PABPC1: variants seen among roughly 807,000 people sequenced by gnomAD.
PABPC1 encodes the protein poly(A) binding protein cytoplasmic 1.
In PABPC1, 4 loss-of-function variants were observed where a neutral mutation model predicts 74.0. That is an observed-to-expected ratio of 0.05 (90% confidence interval 0.03 to 0.12). The LOEUF (loss-of-function observed/expected upper bound fraction) is 0.12. Ranked by LOEUF, PABPC1 falls within the 10% of genes least tolerant of loss-of-function variation. The pLI is 1.00. For synonymous variants in PABPC1, 227 were observed against 264.1 expected (o/e 0.86, Z 1.36); for missense variants, 271 against 821.1 (o/e 0.33, Z 8.19).
At chr8:100,704,129 C>G in intron 14 of PABPC1, 168 bp downstream of exon 14, 1 of 520,664 alleles carries the variant, frequency 1.9e-6, no homozygotes, top group South Asian at 2.5e-5. Flanking sequence ...GGGTAAAATT[C>G]CTTTAATTCC....
intron 1 of PABPC1, 64 bp from the exon 2 acceptor site, chr8:100,718,344 T>C (rs1387353218): frequency 1.5e-6 from 2 of 1,339,762 alleles, no homozygotes; most frequent in Non-Finnish European, 2.1e-6. Context: ...CTTAAGATTA[T>C]ATAAACTATG....
intron 1 of PABPC1, among the ~76,000 whole-genome samples, chr8:100,720,976 C>G (rs1166179183): frequency 6.6e-6 from 1 of 152,192 alleles, no homozygotes. Flanking sequence ...ACTTCCTCCC[C>G]AGGCTGGGGC....
intron 7 of PABPC1, among the ~76,000 whole-genome samples, chr8:100,710,300 C>T (rs564615364): frequency 1.3e-5 from 2 of 152,242 alleles, no homozygotes; most frequent in Admixed American, 6.5e-5. Flanking sequence ...TTTAAATGAG[C>T]AATGAAGACT....
chr8:100,715,764 C>T (rs115002561), intron 3 of PABPC1, among the ~76,000 whole-genome samples, 163 bp from the exon 4 acceptor site: 294 of 151,816 alleles, frequency 1.9e-3, no homozygotes, highest in African/African-American at 6.7e-3. Context: ...GATATGACAC[C>T]ATGAAATATA....
At position 100,703,189 on chromosome 8, in the gene PABPC1, T is replaced by C. The variant is rs1810288520; in HGVS notation, c.*172A>G. 1 of 167,028 alleles carries C rather than the reference T, an allele frequency of 6.0e-6. No homozygotes were observed. The highest frequency in any genetic ancestry group is 2.1e-4 in the South Asian group (1 of 4,838). 10.3% of individuals were successfully genotyped at this position (167,028 alleles called of 1,614,324 possible). ...TCAATAAGTAATCTAGGACTAGCATTATGTTTGCTAGACCTGGCATTTGCT... is the reference window on the plus strand; with the variant it reads ...TCAATAAGTAATCTAGGACTAGCATCATGTTTGCTAGACCTGGCATTTGCT... On this transcript the variant is annotated 3_prime_UTR_variant, in exon 15 of 15. Transcript: ENST00000318607.
intron 1 of PABPC1, among the ~76,000 whole-genome samples, chr8:100,719,970 C>T (rs975728612): frequency 2.0e-5 from 3 of 152,230 alleles, no homozygotes; most frequent in African/African-American, 7.2e-5. Context: ...CAACTTCTGG[C>T]TCTGTGTCAC....
intron 4 of PABPC1, among the ~76,000 whole-genome samples, chr8:100,714,848 A>C (rs1216754288): frequency 6.6e-6 from 1 of 152,224 alleles, no homozygotes; most frequent in African/African-American, 2.4e-5. Context: ...ATGAACACTT[A>C]AAAGTTATTT....
At chr8:100,703,575 A>G (rs1454078170) in intron 14 of PABPC1, among the ~76,000 whole-genome samples, 3 of 152,126 alleles carry the variant, frequency 2.0e-5, no homozygotes, top group Non-Finnish European at 4.4e-5. Context: ...AAAGCCCAAA[A>G]TATTTCCTAT....
At chr8:100,711,393 G>A (rs1403838861) in intron 7 of PABPC1, among the ~76,000 whole-genome samples, 2 of 152,190 alleles carry the variant, frequency 1.3e-5, no homozygotes, top group Non-Finnish European at 2.9e-5. Context: ...CTTGGCTTAA[G>A]CCCAGGAAAG....
intron 9 of PABPC1, 62 bp from the exon 10 acceptor site, chr8:100,707,059 T>C: frequency 8.2e-7 from 1 of 1,221,000 alleles, no homozygotes; most frequent in Non-Finnish European, 1.2e-6. Context: ...AAAGTGTTTA[T>C]GCTGTCTTCT....
In PABPC1 at chr8:100,721,816, C is replaced by T. The variant is rs902472536; in HGVS notation, c.-233G>A. ...GGGTGGCGGTGTCGGGTCCGGGCAG[C>T]GGGAAGGCCTCGGTCTCTTGGTTCC... is the stretch of plus-strand genomic sequence containing the variant. On this transcript the variant is annotated 5_prime_UTR_variant, in exon 1 of 15. Transcript: ENST00000318607. The surrounding 1 kb of genome is among the most constrained non-coding windows in gnomAD (Gnocchi z 7.4). 5.0e-6 allele frequency: 2 copies of T among 397,350 alleles called. No individual in the cohort carries two copies. The highest frequency in any genetic ancestry group is 7.7e-5 in the East Asian group (2 of 25,924). The allele number at this position is 397,350 out of a possible 1,614,324, so 24.6% of individuals were successfully genotyped here.
intron 11 of PABPC1, among the ~76,000 whole-genome samples, chr8:100,706,246 A>T (rs768774352): frequency 6.6e-6 from 1 of 152,242 alleles, no homozygotes; most frequent in Non-Finnish European, 1.5e-5. Flanking sequence ...GACATTTTAC[A>T]TACTATCATA....
intron 4 of PABPC1, 70 bp from the exon 5 acceptor site, chr8:100,713,251 C>T (rs555304166): frequency 5.6e-6 from 5 of 889,488 alleles, no homozygotes; most frequent in South Asian, 2.3e-5. Flanking sequence ...CAAATTTCAA[C>T]ATACAAAGCC....
chr8:100,717,576 T>C (rs1280460491), intron 3 of PABPC1, among the ~76,000 whole-genome samples, 197 bp downstream of exon 3: 1 of 152,232 alleles, frequency 6.6e-6, no homozygotes, highest in Non-Finnish European at 1.5e-5. Flanking sequence ...AATTCAATTG[T>C]AAAAATCAAG....
chr8:100,711,320 T>C (rs958683172), intron 7 of PABPC1, among the ~76,000 whole-genome samples: 2 of 151,826 alleles, frequency 1.3e-5, no homozygotes, highest in African/African-American at 2.4e-5. Flanking sequence ...TAAGAATTTG[T>C]GTTGCACTGC....
chr8:100,710,610 TAGAG>T (rs768944053), intron 7 of PABPC1, among the ~76,000 whole-genome samples: 3 of 152,126 alleles, frequency 2.0e-5, no homozygotes, highest in Admixed American at 6.5e-5. Flanking sequence ...AATGTAGAAA[TAGAG>T]AGAAAACCTT....
At chr8:100,711,851 G>C (rs1810535277) in intron 7 of PABPC1, among the ~76,000 whole-genome samples, 1 of 152,190 alleles carries the variant, frequency 6.6e-6, no homozygotes, top group Non-Finnish European at 1.5e-5. Flanking sequence ...TGCATATAGG[G>C]GGACTCTTGG....
chr8:100,709,954 A>C lies in PABPC1; in HGVS notation c.973-223T>G, dbSNP rs188154379. 2.1e-3 allele frequency: 1,001 copies of C among 468,994 alleles called. 7 individuals carry two copies. The highest frequency in any genetic ancestry group is 0.017 in the African/African-American group (861 of 52,120). 29.1% of individuals were successfully genotyped at this position (468,994 alleles called of 1,614,324 possible). On this transcript the variant is annotated intron_variant, in intron 7 of 14. Coordinates refer to ENST00000318607, the MANE Select transcript of PABPC1 (RefSeq NM_002568.4). ...ACCCTAGCCAGGTCAGAGAACTGAC[A>C]GAAGTGAAGGCTGCACAGAAACTTT...
Position 100,709,321 on chromosome 8 carries a change from ACACT to A in PABPC1, c.1246-102_1246-99del, listed in dbSNP as rs1325517608. ...TTTTCAAAACATTTACCAGGACTTC[ACACT>A]CAAGCATTTTTTCCTACTCAATCAT... On this transcript the variant is annotated intron_variant, in intron 8 of 14. Coordinates refer to ENST00000318607, the MANE Select transcript of PABPC1 (RefSeq NM_002568.4). 10 of 1,455,512 alleles carry A rather than the reference ACACT, an allele frequency of 6.9e-6. No individual in the cohort carries two copies. In the East Asian group the frequency reaches 2.3e-4, roughly 33 times the overall value. The allele number at this position is 1,455,512 out of a possible 1,614,324, so 90.2% of individuals were successfully genotyped here. A position where few individuals can be genotyped will look rare whatever the true frequency, so the allele number is the denominator to read the frequency against.
Sources: allele counts gnomAD v4.1 joint callset (sites outside exome capture counted in the v4.1 genomes callset), GRCh38; gene constraint gnomAD v4.1.1; non-coding constraint Gnocchi (gnomAD v3.1); transcripts MANE v1.5; gene names NCBI Gene and HGNC (gene_info 2026-07-23, HGNC 2026-07-21).